Variants in SPTLC3 observed in about 807,000 individuals in gnomAD.
SPTLC3 encodes the protein serine palmitoyltransferase 3.
SPTLC3 carries 36 observed loss-of-function variants against 59.3 expected under a neutral mutation model. The ratio of observed to expected loss-of-function variants is 0.61; its 90% CI spans 0.47 to 0.80. The LOEUF is 0.80. SPTLC3 is among the 30% of genes least tolerant of loss of function. The pLI is 0.00. For missense variants in SPTLC3, 625 were observed against 685.1 expected (o/e 0.91, Z 0.98); for synonymous variants, 257 against 240.8 (o/e 1.07, Z -0.62).
At chr20:13,049,929 G>A (rs4813109) in intron 2 of SPTLC3, 151,632 of 152,330 alleles carry the variant, frequency 1, 75,475 homozygotes, top group Middle Eastern at 1. Context: ...GGAACACCCC[G>A]AGGGACAAAA....
chr20:13,113,243 T>C (rs184691385), intron 7 of SPTLC3, among the ~76,000 whole-genome samples: 1 of 152,302 alleles, frequency 6.6e-6, no homozygotes, highest in African/African-American at 2.4e-5. Flanking sequence ...GTTAGGAATG[T>C]GAAGTCAATA....
intron 3 of SPTLC3, chr20:13,073,762 T>A: frequency 1.7e-6 from 1 of 579,368 alleles, no homozygotes; most frequent in South Asian, 1.5e-5. Context: ...CCAGACACGG[T>A]CCAAAGAGGG....
At chr20:13,045,423 G>T (rs1987188811) in intron 1 of SPTLC3, among the ~76,000 whole-genome samples, 1 of 152,190 alleles carries the variant, frequency 6.6e-6, no homozygotes, top group Non-Finnish European at 1.5e-5. Flanking sequence ...CATTTACTTT[G>T]ATAGGATGAA....
At chr20:13,030,620 C>A (rs1221954888) in intron 1 of SPTLC3, among the ~76,000 whole-genome samples, 1 of 152,142 alleles carries the variant, frequency 6.6e-6, no homozygotes, top group African/African-American at 2.4e-5. Flanking sequence ...TTACTGGACC[C>A]CTGTTACATG....
chr20:13,100,447 G>C (rs766410515), intron 6 of SPTLC3, among the ~76,000 whole-genome samples: 4 of 152,150 alleles, frequency 2.6e-5, no homozygotes, highest in Non-Finnish European at 5.9e-5. Context: ...CTGGGTACTA[G>C]AGCCAGGCCT....
rs373493547 is a variant in SPTLC3, at chr20:13,117,614, C to T, written c.1041C>T (p.Thr347=). Residue 347 remains threonine, a synonymous_variant, in exon 8 of 12, where the codon ACC becomes ACT. Coordinates refer to ENST00000399002, the MANE Select transcript of SPTLC3 (RefSeq NM_018327.4). ...EAHSIGAVGP[T]GRGVTEFFGL... ...ACAGTATTGGGGCCGTGGGCCCAAC[C>T]GGCCGGGGTGTCACGGAGTTCTTTG... 28 of 1,613,948 alleles carry T rather than the reference C, an allele frequency of 1.7e-5. No homozygotes were observed. The highest frequency in any genetic ancestry group is 5.5e-5 in the South Asian group (5 of 91,078).
intron 1 of SPTLC3, among the ~76,000 whole-genome samples, chr20:13,024,344 T>C (rs1401704291): frequency 6.6e-6 from 1 of 152,018 alleles, no homozygotes; most frequent in Admixed American, 6.6e-5. Context: ...AATATTCATA[T>C]ATCTACTACC....
At chr20:13,099,653 G>A (rs1186626395) in intron 6 of SPTLC3, among the ~76,000 whole-genome samples, 2 of 152,204 alleles carry the variant, frequency 1.3e-5, no homozygotes, top group South Asian at 2.1e-4. Flanking sequence ...CTTGAGAGGT[G>A]AGGGAAGCAA....
intron 3 of SPTLC3, 55 bp from the exon 4 acceptor site, chr20:13,074,294 A>T: frequency 6.3e-7 from 1 of 1,588,320 alleles, no homozygotes; most frequent in Non-Finnish European, 8.6e-7. Flanking sequence ...GATTTTTTGA[A>T]TCGTGCATAA....
chr20:13,162,784 C>T (rs915240908), intron 11 of SPTLC3, among the ~76,000 whole-genome samples: 1 of 152,148 alleles, frequency 6.6e-6, no homozygotes, highest in Non-Finnish European at 1.5e-5. Context: ...TAACAGCATC[C>T]AACCCAGAAC....
At chr20:13,054,874 G>A (rs1384581193) in intron 2 of SPTLC3, among the ~76,000 whole-genome samples, 1 of 152,114 alleles carries the variant, frequency 6.6e-6, no homozygotes, top group Non-Finnish European at 1.5e-5. Flanking sequence ...AGAAAAAAGA[G>A]AAAGGATGAA....
At chr20:13,022,764 C>T (rs781449960) in intron 1 of SPTLC3, among the ~76,000 whole-genome samples, 1 of 152,104 alleles carries the variant, frequency 6.6e-6, no homozygotes, top group Non-Finnish European at 1.5e-5. Context: ...TTCCACCCTC[C>T]CCTCCCCTCT....
intron 10 of SPTLC3, among the ~76,000 whole-genome samples, chr20:13,159,796 T>C (rs6033632): frequency 0.049 from 7,528 of 152,208 alleles, 214 homozygotes; most frequent in African/African-American, 0.067. Flanking sequence ...CACACCATCA[T>C]GAGTGGCACC....
In SPTLC3 at chr20:13,164,971, T is replaced by C; in HGVS notation, c.*104T>C. 1 of 983,376 alleles carries C rather than the reference T, an allele frequency of 1.0e-6. No homozygotes were observed. The highest frequency in any genetic ancestry group is 1.5e-6 in the Non-Finnish European group (1 of 671,972). 60.9% of individuals were successfully genotyped at this position (983,376 alleles called of 1,614,324 possible). On this transcript the variant is annotated 3_prime_UTR_variant, in exon 12 of 12. Coordinates refer to ENST00000399002, the MANE Select transcript of SPTLC3 (RefSeq NM_018327.4). ...TTCTCCCCCTTCCTCAGGACAATTT[T>C]GGTTCCCAGACCAGCTTGATTGAAC...
chr20:13,121,917 A>G (rs1259111040), intron 8 of SPTLC3, among the ~76,000 whole-genome samples: 1 of 152,254 alleles, frequency 6.6e-6, no homozygotes, highest in Non-Finnish European at 1.5e-5. Flanking sequence ...CATGACCTTG[A>G]CTTTAAAAAA....
intron 1 of SPTLC3, among the ~76,000 whole-genome samples, chr20:13,044,348 C>A (rs140188199): frequency 0.016 from 2,395 of 152,120 alleles, 60 homozygotes; most frequent in African/African-American, 0.054. Flanking sequence ...GTGATCCACC[C>A]ACCTCGGCCT....
At chr20:13,023,101 TC>T (rs1985971869) in intron 1 of SPTLC3, among the ~76,000 whole-genome samples, 1 of 151,910 alleles carries the variant, frequency 6.6e-6, no homozygotes, top group Non-Finnish European at 1.5e-5. Flanking sequence ...TACCCAGACA[TC>T]CACAGGGCTC....
At chr20:13,123,838 A>G (rs1230172042) in intron 8 of SPTLC3, among the ~76,000 whole-genome samples, 2 of 152,006 alleles carry the variant, frequency 1.3e-5, no homozygotes, top group East Asian at 1.9e-4. Context: ...CCATCATCCA[A>G]TTCCCAGGAC....
intron 4 of SPTLC3, among the ~76,000 whole-genome samples, chr20:13,079,058 T>C (rs1395156247): frequency 6.6e-6 from 1 of 152,200 alleles, no homozygotes; most frequent in Non-Finnish European, 1.5e-5. Context: ...AATAAACTTA[T>C]TTTGAAGATG....
Sources: allele counts gnomAD v4.1 joint callset (sites outside exome capture counted in the v4.1 genomes callset), GRCh38; gene constraint gnomAD v4.1.1; transcripts MANE v1.5; gene names NCBI Gene and HGNC (gene_info 2026-07-23, HGNC 2026-07-21).